The following TRIM46 variants were observed in gnomAD, a reference collection of about 807,000 sequenced individuals.
TRIM46 encodes tripartite motif-containing protein 46.
In TRIM46, 17 loss-of-function variants were observed where a neutral mutation model predicts 69.7. The ratio of observed to expected loss-of-function variants is 0.24; its 90% CI spans 0.17 to 0.37. The LOEUF (loss-of-function observed/expected upper bound fraction) is 0.37. Ranked by LOEUF, TRIM46 falls within the 10% of genes least tolerant of loss-of-function variation. The pLI, the probability that TRIM46 is intolerant of heterozygous loss-of-function variation, is 1.00. For missense variants in TRIM46, 675 were observed against 1,025.1 expected (o/e 0.66, Z 4.66); for synonymous variants, 391 against 429.0 (o/e 0.91, Z 1.09).
At chr1:155,183,373 T>C (rs1285011663) in intron 9 of TRIM46, among the ~76,000 whole-genome samples, 1 of 151,814 alleles carries the variant, frequency 6.6e-6, no homozygotes, top group African/African-American at 2.4e-5. Flanking sequence ...CACCCTTCAT[T>C]TGTGACACCA....
At chr1:155,174,886 C>T in intron 1 of TRIM46, 1 of 1,405,514 alleles carries the variant, frequency 7.1e-7, no homozygotes, top group Non-Finnish European at 9.2e-7. Flanking sequence ...CTGGAGTGGC[C>T]GCAGGCCGGA....
At chr1:155,180,165 G>A (rs116678395) in intron 8 of TRIM46, among the ~76,000 whole-genome samples, 3,243 of 152,296 alleles carry the variant, frequency 0.021, 112 homozygotes, top group African/African-American at 0.074. Context: ...GTCCTTTTCT[G>A]TAGGGATAAC....
Position 155,175,269 on chromosome 1 carries a change from G to A in TRIM46, c.64-117G>A, listed in dbSNP as rs1665549173. ...CCAAGGCAGGTGCTCTGGAAAAGCT[G>A]CAGGTAGCTTGTCTTGCTCCTTCCT... On this transcript the variant is annotated intron_variant, in intron 1 of 9. Transcript: ENST00000334634. This position sits in a 1 kb window ranked among gnomAD's most constrained non-coding sequence, Gnocchi z 4.2. 11 of 1,549,088 alleles carry A rather than the reference G, an allele frequency of 7.1e-6. No individual in the cohort carries two copies. The highest frequency in any genetic ancestry group is 8.6e-6 in the Non-Finnish European group (10 of 1,156,478).
At chr1:155,174,861 G>A (rs1665505151) in intron 1 of TRIM46, 3 of 1,415,766 alleles carry the variant, frequency 2.1e-6, no homozygotes, top group Non-Finnish European at 2.8e-6. Flanking sequence ...GGAAGTGAAG[G>A]ATGGGGAATG....
Position 155,175,608 on chromosome 1 carries a change from C to CT in TRIM46, c.287dup (p.Lys98GlnfsTer10). ...CAGCCCCCGCCTCTCCCGCAGAACT[C>CT]TCCCCAAGCCAGACCGCCTGGACCG... On this transcript the variant is annotated frameshift_variant, in exon 2 of 10. Transcript: ENST00000334634. LOFTEE classifies it high-confidence loss of function. The surrounding 1 kb of genome is among the most constrained non-coding windows in gnomAD (Gnocchi z 4.2). 6.2e-7 allele frequency: 1 copy of CT among 1,613,838 alleles called. No individual in the cohort carries two copies. Among genetic ancestry groups the CT allele is most frequent in the Non-Finnish European group, 8.5e-7 (1 of 1,179,966 alleles).
chr1:155,177,069 C>T lies in TRIM46; in HGVS notation c.807C>T (p.Ala269=). 6.2e-7 allele frequency: 1 copy of T among 1,612,738 alleles called. No individual in the cohort carries two copies. The highest frequency in any genetic ancestry group is 8.5e-7 in the Non-Finnish European group (1 of 1,178,814). The change falls in exon 4 of 10, where the codon GCC becomes GCT. Residue 269 remains alanine, a synonymous_variant. Transcript: ENST00000334634. ...KITPVLSAYQ[A]LKDKLTKSLT... The stretch of plus-strand genomic sequence containing the variant: ...CACCAGTGCTCAGTGCCTACCAGGC[C>T]CTCAAGGTAAGGACCCCCCTTATCC...
At chr1:155,180,385 A>C (rs1172149858) in intron 8 of TRIM46, 2 of 344,484 alleles carry the variant, frequency 5.8e-6, no homozygotes, top group East Asian at 4.4e-5. Context: ...TCACAAGGTC[A>C]AGAGTTTGAG....
rs536933656 is a variant in TRIM46 at position 155,178,949 on chromosome 1, T to C, written c.1285+336T>C. On this transcript the variant is annotated intron_variant, in intron 7 of 9. Coordinates refer to ENST00000334634, the MANE Select transcript of TRIM46 (RefSeq NM_025058.5). ...GCCAACCACTCATTGCTTCCTTCTC[T>C]TTCCTGCCTTGCCCCGACCTCGTGG... 7.6e-4 allele frequency: 659 copies of C among 862,406 alleles called. 9 individuals carry two copies. The South Asian group carries it at 8.6e-3, about 11-fold the overall frequency. 53.4% of individuals were successfully genotyped at this position (862,406 alleles called of 1,614,324 possible).
chr1:155,179,533 C>A, intron 7 of TRIM46, 99 bp from the exon 8 acceptor site: 2 of 1,122,856 alleles, frequency 1.8e-6, no homozygotes, highest in African/African-American at 1.6e-5. Context: ...CACACTCACC[C>A]CCCCGGCTCC....
At position 155,184,416 on chromosome 1, in the gene TRIM46, GC is replaced by G. The variant is rs1666396767; in HGVS notation, c.*231del. ...GTTCTCTCCATTGCTTGTTAGCCAG[GC>G]CCCCACCCCCACTGAGTCTGCCCTA... is the stretch of plus-strand genomic sequence containing the variant. On this transcript the variant is annotated 3_prime_UTR_variant, in exon 10 of 10. Coordinates refer to ENST00000334634, the MANE Select transcript of TRIM46 (RefSeq NM_025058.5). The surrounding 1 kb of genome is among the most constrained non-coding windows in gnomAD (Gnocchi z 5.6). The G allele has an allele frequency of 5.3e-6, 3 of 561,990 alleles. No individual in the cohort carries two copies. The highest frequency in any genetic ancestry group is 9.3e-6 in the Non-Finnish European group (3 of 323,188). 34.8% of individuals were successfully genotyped at this position (561,990 alleles called of 1,614,324 possible).
At chr1:155,178,739 T>TGGGCCCCCCCCCC in intron 7 of TRIM46, 126 bp downstream of exon 7, 12 of 1,348,458 alleles carry the variant, frequency 8.9e-6, no homozygotes, top group African/African-American at 1.5e-5. Flanking sequence ...CAGCCATTCC[T>TGGGCCCCCCCCCC]CCCACCCAGC....
Position 155,178,551 on chromosome 1 carries a change from G to T in TRIM46, c.1223G>T (p.Arg408Leu). Residue 408 changes from arginine (R) to leucine (L), a missense_variant, in exon 7 of 10, where the codon CGC becomes CTC. Physicochemically the swap from Arg to Leu is moderately radical, Grantham distance 102. This residue lies in a region of TRIM46 where 361 missense variants were observed against 498.3 expected (regional missense o/e 0.72). Coordinates refer to ENST00000334634, the MANE Select transcript of TRIM46 (RefSeq NM_025058.5). ...CGGCCAGCTGCCAGCTCCTCCTTCC[G>T]CCATTGCCAGCTCGACGTGGGACGT... is the stretch of plus-strand genomic sequence containing the variant. ...TFRPAASSSF[R>L]HCQLDVGREM... The T allele has an allele frequency of 6.2e-7, 1 of 1,614,046 alleles. No homozygotes were observed.
In TRIM46 at chr1:155,182,081, G is replaced by A; in HGVS notation, c.1818G>A (p.Lys606=). The change falls in exon 9 of 10, where the codon AAG becomes AAA. Residue 606 remains lysine (K), a synonymous_variant. Coordinates refer to ENST00000334634, the MANE Select transcript of TRIM46 (RefSeq NM_025058.5). Reference sequence around the variant, plus strand: ...TAGACCCAGCCTCCTACTTGGTCAAGGTGGGCGTCGGGCTGGAGAGCAAGC... The same window carrying A: ...TAGACCCAGCCTCCTACTTGGTCAAAGTGGGCGTCGGGCTGGAGAGCAAGC... ...CAVDPASYLV[K]VGVGLESKLQ... The A allele has an allele frequency of 6.2e-7, 1 of 1,614,204 alleles. No homozygotes were observed. Among genetic ancestry groups the A allele is most frequent in the South Asian group, 1.1e-5 (1 of 91,082 alleles).
chr1:155,175,591 G>A lies in TRIM46; in HGVS notation c.269G>A (p.Arg90His), dbSNP rs866560615. The A allele has an allele frequency of 4.3e-6, 7 of 1,613,548 alleles. No homozygotes were observed. The highest frequency in any genetic ancestry group is 2.7e-5 in the African/African-American group (2 of 74,882). Residue 90 changes from arginine (R) to histidine (H), a missense_variant, in exon 2 of 10, where the codon CGC (arginine) becomes CAC (histidine). Transcript: ENST00000334634. This position sits in a 1 kb window ranked among gnomAD's most constrained non-coding sequence, Gnocchi z 4.2. ...TCCACCCCTTCCACCCGCAGCCCCC[G>A]CCTCTCCCGCAGAACTCTCCCCAAG... ...PASTPSTRSP[R>H]LSRRTLPKPD...
Position 155,175,741 on chromosome 1 carries a change from T to C in TRIM46, c.325+94T>C, listed in dbSNP as rs774440039. The C allele has an allele frequency of 8.1e-6, 13 of 1,601,610 alleles. No individual in the cohort carries two copies. Among genetic ancestry groups the C allele is most frequent in the Non-Finnish European group, 9.4e-6 (11 of 1,172,958 alleles). Reference sequence around the variant, plus strand: ...ATCACTGGTCAGAGGCATCTGTCTGTCTTTCTGGGGGGTGGAGATACTGCT... The same window carrying C: ...ATCACTGGTCAGAGGCATCTGTCTGCCTTTCTGGGGGGTGGAGATACTGCT... On this transcript the variant is annotated intron_variant, in intron 2 of 9. Coordinates refer to ENST00000334634, the MANE Select transcript of TRIM46 (RefSeq NM_025058.5). The surrounding 1 kb of genome is among the most constrained non-coding windows in gnomAD (Gnocchi z 4.2).
Position 155,177,241 on chromosome 1 carries a change from C to A in TRIM46, c.860C>A (p.Thr287Lys), listed in dbSNP as rs376400786. The A allele has an allele frequency of 1.5e-4, 244 of 1,614,058 alleles. No homozygotes were observed. The highest frequency in any genetic ancestry group is 1.4e-3 in the South Asian group (125 of 91,084). The change falls in exon 5 of 10, where the codon ACG becomes AAG. Residue 287 changes from threonine (T) to lysine (K), a missense_variant. This residue lies in a region of TRIM46 where 361 missense variants were observed against 498.3 expected (regional missense o/e 0.72). Coordinates refer to ENST00000334634, the MANE Select transcript of TRIM46 (RefSeq NM_025058.5). ...SLTYILGNQD[T>K]VQTQICELEE... is the part of the protein sequence containing the mutation. ...ACATACATCCTGGGAAACCAGGACA[C>A]GGTACAGACCCAGATCTGTGAGCTG...
chr1:155,181,771 T>C lies in TRIM46; in HGVS notation c.1589-81T>C. On this transcript the variant is annotated intron_variant, in intron 8 of 9. Coordinates refer to ENST00000334634, the MANE Select transcript of TRIM46 (RefSeq NM_025058.5). The surrounding 1 kb of genome is among the most constrained non-coding windows in gnomAD (Gnocchi z 4.3). ...CTGAACCCCCTTGCAACGCGTTCCC[T>C]GTTCTGCAGTCTCACAGCCCCCAGT... is the stretch of plus-strand genomic sequence containing the variant. The C allele has an allele frequency of 2.7e-6, 4 of 1,494,804 alleles. No individual in the cohort carries two copies. Among genetic ancestry groups the C allele is most frequent in the Non-Finnish European group, 3.6e-6 (4 of 1,100,310 alleles). The allele number at this position is 1,494,804 out of a possible 1,614,324, so 92.6% of individuals were successfully genotyped here.
chr1:155,174,058 G>A (rs1483593518), intron 1 of TRIM46, 29 bp downstream of exon 1: 1 of 1,553,350 alleles, frequency 6.4e-7, no homozygotes, highest in Non-Finnish European at 8.7e-7. Context: ...GAGGGAAGGG[G>A]AGGGGGCGTA....
At position 155,181,825 on chromosome 1, in the gene TRIM46, C is replaced by T. The variant is rs1666194118; in HGVS notation, c.1589-27C>T. On this transcript the variant is annotated intron_variant, in intron 8 of 9. Transcript: ENST00000334634. This position sits in a 1 kb window ranked among gnomAD's most constrained non-coding sequence, Gnocchi z 4.3. Reference sequence around the variant, plus strand: ...AGTGTTTGTCCCTGAAGTTCTTGCTCCATCTCAACCCTCTCCCTCCTTCCA... The same window carrying T: ...AGTGTTTGTCCCTGAAGTTCTTGCTTCATCTCAACCCTCTCCCTCCTTCCA... The T allele has an allele frequency of 6.3e-7, 1 of 1,588,880 alleles. No homozygotes were observed. Among genetic ancestry groups the T allele is most frequent in the South Asian group, 1.1e-5 (1 of 88,458 alleles).
Sources: gnomAD v4.1 joint callset for allele counts (sites outside exome capture counted in the v4.1 genomes callset) on GRCh38, gnomAD v4.1.1 for gene constraint, gnomAD v4.1.1 regional missense constraint, Gnocchi (gnomAD v3.1) non-coding constraint, MANE v1.5 for transcripts, NCBI Gene and HGNC (gene_info 2026-07-23, HGNC 2026-07-21) for gene names.